CYFIP1: variants seen among roughly 807,000 people sequenced by gnomAD.
CYFIP1 encodes cytoplasmic FMR1 interacting protein 1, also known as cytoplasmic FMR1-interacting protein 1.
A neutral mutation model predicts 163.5 loss-of-function variants in CYFIP1; 58 were observed. The observed-to-expected ratio is 0.35, with a 90% CI of 0.29 to 0.44. The LOEUF is 0.44. Ranked by LOEUF, CYFIP1 falls within the 20% of genes least tolerant of loss-of-function variation. CYFIP1 has a pLI of 1.00. For synonymous variants in CYFIP1, 663 were observed against 660.7 expected (o/e 1.00, Z -0.05); for missense variants, 1,338 against 1,653.8 (o/e 0.81, Z 3.31).
In CYFIP1 at chr15:22,889,067, A is replaced by AAAAC. The variant is rs370828071; in HGVS notation, c.2676+3819_2676+3822dup. 3.1e-3 allele frequency among the ~76,000 whole-genome samples: 467 copies of AAAAC among 152,250 alleles called. 6 individuals are homozygous for AAAAC. Among genetic ancestry groups the AAAAC allele is most frequent in the South Asian group, 9.7e-3 (47 of 4,826 alleles). On this transcript the variant is annotated intron_variant, in intron 23 of 30. Transcript: ENST00000617928. Reference sequence around the variant, plus strand: ...AAAAAAAAACACACAAAAAAAACAAAAAACAAAAAGAAAAACCATGTACTA... The same window carrying AAAAC: ...AAAAAAAAACACACAAAAAAAACAAAAAACAAACAAAAAGAAAAACCATGTACTA...
intron 1 of CYFIP1, among the ~76,000 whole-genome samples, chr15:22,964,274 CCACACACACACACA>C (rs60879784): frequency 0.023 from 2,223 of 97,138 alleles, 53 homozygotes; most frequent in African/African-American, 0.064. Flanking sequence ...CTCCTCCTCA[CCACACACACACACA>C]CACACACACA....
In CYFIP1 at chr15:22,872,970, T is replaced by A. The variant is rs769421202; in HGVS notation, c.3452A>T (p.Gln1151Leu). The change falls in exon 30 of 31, where the codon CAG (glutamine) becomes CTG (leucine). Residue 1151 changes from glutamine to leucine, a missense_variant and splice_region_variant. Physicochemically the swap from Gln to Leu is moderately radical, Grantham distance 113. Transcript: ENST00000617928. Reference protein sequence around the residue: ...PVGTHEFTVEQCFGDGLHWAG... With the variant: ...PVGTHEFTVELCFGDGLHWAG... ...CCAGTGTAGCCCATCACCAAAGCAC[T>A]GCCTAGGAACAAGAAGCAGAAACAG... is the stretch of plus-strand genomic sequence containing the variant. 4.3e-5 allele frequency: 69 copies of A among 1,613,174 alleles called. No individual in the cohort carries two copies. The highest frequency in any genetic ancestry group is 5.8e-5 in the Non-Finnish European group (69 of 1,179,754).
rs568148504 is a variant in CYFIP1 at position 22,875,224 on chromosome 15, G to A, written c.3090C>T (p.Asn1030=). Residue 1030 remains asparagine (N), a synonymous_variant, in exon 27 of 31, where the codon AAC becomes AAT. Coordinates refer to ENST00000617928, the MANE Select transcript of CYFIP1 (RefSeq NM_014608.6). ...CDLLHAAPFQ[N]ILPRVHVKEG... ...CTTTCACATGGACTCGCGGCAAGAT[G>A]TTCTGGAAAGGAGCCGCGTGCAGCA... 11 of 1,614,032 alleles carry A rather than the reference G, an allele frequency of 6.8e-6. No individual in the cohort carries two copies. The South Asian group carries it at 1.2e-4, about 18-fold the overall frequency.
rs541354200 is a variant in CYFIP1, at chr15:22,899,317, A to G, written c.2588+4389T>C. ...GAATTGGAAATATCAGTATAAACTT[A>G]TAGTTTTAATACGTAGGTAACTATA... On this transcript the variant is annotated intron_variant, in intron 22 of 30. Transcript: ENST00000617928. Among the ~76,000 whole-genome samples, 397 of 152,302 alleles carry G rather than the reference A, an allele frequency of 2.6e-3. 6 individuals are homozygous for G. Among genetic ancestry groups the G allele is most frequent in the Non-Finnish European group, 4.1e-3 (279 of 68,016 alleles).
intron 6 of CYFIP1, 107 bp downstream of exon 6, chr15:22,943,066 A>G: frequency 9.4e-7 from 1 of 1,067,890 alleles, no homozygotes; most frequent in Non-Finnish European, 1.4e-6. Context: ...GCTGCCTACC[A>G]GAAGTGACGA....
chr15:22,965,886 C>T lies in CYFIP1; in HGVS notation c.-7+14401G>A, dbSNP rs148318778. Reference sequence around the variant, plus strand: ...ATCAAAGGCGATAATGAAGAGCCCACGTTTTAACAAAACAAACTGTTATGG... The same window carrying T: ...ATCAAAGGCGATAATGAAGAGCCCATGTTTTAACAAAACAAACTGTTATGG... On this transcript the variant is annotated intron_variant, in intron 1 of 30. Coordinates refer to ENST00000617928, the MANE Select transcript of CYFIP1 (RefSeq NM_014608.6). Among the ~76,000 whole-genome samples, 776 of 152,216 alleles carry T rather than the reference C, an allele frequency of 5.1e-3. 4 individuals carry two copies. Among genetic ancestry groups the T allele is most frequent in the Middle Eastern group, 0.01 (3 of 294 alleles).
At chr15:22,973,114 C>T (rs888555201) in intron 1 of CYFIP1, among the ~76,000 whole-genome samples, 23 of 151,860 alleles carry the variant, frequency 1.5e-4, no homozygotes, top group Non-Finnish European at 2.9e-4. Flanking sequence ...CCAACCTGGG[C>T]GACAGAGTGA....
At chr15:22,885,282 G>A (rs1416303496) in intron 23 of CYFIP1, among the ~76,000 whole-genome samples, 2 of 152,130 alleles carry the variant, frequency 1.3e-5, no homozygotes, top group South Asian at 2.1e-4. Context: ...AATGTACCAC[G>A]TATCTCTAGG....
chr15:22,958,673 G>A (rs1164067028), intron 1 of CYFIP1, among the ~76,000 whole-genome samples: 2 of 152,046 alleles, frequency 1.3e-5, no homozygotes, highest in Non-Finnish European at 2.9e-5. Context: ...CCCTCCCCCA[G>A]GCTTCCCTCT....
rs2059323889 is a variant in CYFIP1 at position 22,868,679 on chromosome 15, C to CTTACTT, written c.*1348_*1349insAAGTAA. On this transcript the variant is annotated 3_prime_UTR_variant, in exon 31 of 31. Coordinates refer to ENST00000617928, the MANE Select transcript of CYFIP1 (RefSeq NM_014608.6). ...GCAGTGTAACAGGATGGTTCGTACACTTACTACTTTTCTGTGCCGTGCATC... is the reference window on the plus strand; with the variant it reads ...GCAGTGTAACAGGATGGTTCGTACACTTACTTTTACTACTTTTCTGTGCCGTGCATC... 1 of 152,116 alleles carries CTTACTT rather than the reference C, an allele frequency of 6.6e-6. No homozygotes were observed. The highest frequency in any genetic ancestry group is 2.1e-4 in the South Asian group (1 of 4,826). 9.4% of individuals were successfully genotyped at this position (152,116 alleles called of 1,614,324 possible). A position where few individuals can be genotyped will look rare whatever the true frequency, so the allele number is the denominator to read the frequency against.
intron 1 of CYFIP1, among the ~76,000 whole-genome samples, chr15:22,948,204 T>C (rs979269293): frequency 6.6e-6 from 1 of 152,116 alleles, no homozygotes; most frequent in African/African-American, 2.4e-5. Flanking sequence ...GAAGCCCCAG[T>C]GGCAGTGTGG....
At chr15:22,905,518 C>A (rs1219408833) in intron 21 of CYFIP1, 1 of 145,232 alleles carries the variant, frequency 6.9e-6, no homozygotes, top group Non-Finnish European at 1.5e-5. Context: ...TGAGACAGAG[C>A]CTCAAAAACT....
intron 21 of CYFIP1, chr15:22,904,531 G>A (rs1340154976): frequency 1.3e-5 from 2 of 153,590 alleles, no homozygotes; most frequent in Admixed American, 6.5e-5. Flanking sequence ...CAACTATACT[G>A]CCATAGGAAT....
chr15:22,926,216 C>T (rs2061352751), intron 12 of CYFIP1, 109 bp from the exon 13 acceptor site: 3 of 1,511,762 alleles, frequency 2.0e-6, no homozygotes, highest in Non-Finnish European at 1.8e-6. Flanking sequence ...CAAACCTTTG[C>T]TGCATTCTGA....
chr15:22,869,810 A>G lies in CYFIP1; in HGVS notation c.*218T>C. The G allele has an allele frequency of 2.5e-6, 1 of 405,240 alleles. No homozygotes were observed. Among genetic ancestry groups the G allele is most frequent in the Middle Eastern group, 6.5e-4 (1 of 1,536 alleles). 25.1% of individuals were successfully genotyped at this position (405,240 alleles called of 1,614,324 possible). A position where few individuals can be genotyped will look rare whatever the true frequency, so the allele number is the denominator to read the frequency against. On this transcript the variant is annotated 3_prime_UTR_variant, in exon 31 of 31. Transcript: ENST00000617928. Reference sequence around the variant, plus strand: ...AATTTTGTAGGAACGTGATGGCAACAATCAGCAGCCAATATTCTCAAGAGT... The same window carrying G: ...AATTTTGTAGGAACGTGATGGCAACGATCAGCAGCCAATATTCTCAAGAGT...
At chr15:22,966,687 G>A (rs932712414) in intron 1 of CYFIP1, among the ~76,000 whole-genome samples, 2 of 152,086 alleles carry the variant, frequency 1.3e-5, no homozygotes, top group African/African-American at 2.4e-5. Context: ...GCTGCAGAAA[G>A]GCAATGCCAT....
chr15:22,974,121 T>C (rs529133093), intron 1 of CYFIP1, among the ~76,000 whole-genome samples: 1 of 152,222 alleles, frequency 6.6e-6, no homozygotes, highest in African/African-American at 2.4e-5. Context: ...TGCCGGGGGT[T>C]CCTCAAAATA....
At chr15:22,944,134 G>A (rs2061978280) in intron 5 of CYFIP1, among the ~76,000 whole-genome samples, 1 of 150,756 alleles carries the variant, frequency 6.6e-6, no homozygotes, top group Admixed American at 6.6e-5. Context: ...AGCTACTCAG[G>A]AAGCTGAGGC....
intron 1 of CYFIP1, among the ~76,000 whole-genome samples, chr15:22,978,429 C>T (rs2063355619): frequency 7.2e-6 from 1 of 138,452 alleles, no homozygotes; most frequent in African/African-American, 2.7e-5. Context: ...TCTGTGTGTA[C>T]AGACTATATA....
Sources: allele counts gnomAD v4.1 joint callset (sites outside exome capture counted in the v4.1 genomes callset), GRCh38; gene constraint gnomAD v4.1.1; transcripts MANE v1.5; gene names NCBI Gene and HGNC (gene_info 2026-07-23, HGNC 2026-07-21).